Variants in DTX1 observed in about 807,000 individuals in gnomAD.
DTX1 encodes deltex E3 ubiquitin ligase 1.
A neutral mutation model predicts 57.8 loss-of-function variants in DTX1; 26 were observed. The ratio of observed to expected loss-of-function variants is 0.45; its 90% CI spans 0.33 to 0.62. DTX1 has a LOEUF of 0.62. Ranked by LOEUF, DTX1 falls within the 20% of genes least tolerant of loss-of-function variation. The probability of loss-of-function intolerance (pLI) is 0.02; values close to 1 mark genes in which losing one functional copy is unlikely to be tolerated. For synonymous variants in DTX1, 398 were observed against 394.1 expected, an observed-to-expected ratio of 1.01 and a Z score of -0.12; for missense variants, 704 against 895.3, an observed-to-expected ratio of 0.79 and a Z score of 2.73.
intron 2 of DTX1, among the ~76,000 whole-genome samples, chr12:113,070,125 T>C (rs1448140251): frequency 6.6e-6 from 1 of 152,170 alleles, no homozygotes; most frequent in Non-Finnish European, 1.5e-5. Flanking sequence ...TTTTCTCGCC[T>C]CTAAAATGGG....
At chr12:113,064,497 A>T (rs2044690555) in intron 2 of DTX1, among the ~76,000 whole-genome samples, 1 of 152,150 alleles carries the variant, frequency 6.6e-6, no homozygotes, top group Admixed American at 6.5e-5. Context: ...TCCATTTCAG[A>T]TCAGTTTCAG....
At position 113,077,411 on chromosome 12, in the gene DTX1, A is replaced by G; in HGVS notation, c.260-13A>G. 1 of 1,552,330 alleles carries G rather than the reference A, an allele frequency of 6.4e-7. No individual in the cohort carries two copies. The highest frequency in any genetic ancestry group is 1.1e-5 in the South Asian group (1 of 87,896). On this transcript the variant is annotated splice_polypyrimidine_tract_variant and intron_variant, in intron 2 of 9. Coordinates refer to ENST00000548759, the MANE Select transcript of DTX1 (RefSeq NM_004416.3). This position sits in a 1 kb window ranked among gnomAD's most constrained non-coding sequence, Gnocchi z 7.8. ...CCCGCTGTGCTGACGCCTCCTCCCCATTTCGAGTACAGGCACCATGCGGCC... is the reference window on the plus strand; with the variant it reads ...CCCGCTGTGCTGACGCCTCCTCCCCGTTTCGAGTACAGGCACCATGCGGCC...
intron 9 of DTX1, among the ~76,000 whole-genome samples, chr12:113,096,456 A>G (rs1346907768): frequency 2.7e-5 from 4 of 149,776 alleles, no homozygotes; most frequent in Admixed American, 2.0e-4. Context: ...AAAAAAAAAA[A>G]AAAAAAGAAA....
Position 113,097,206 on chromosome 12 carries a change from C to G in DTX1, c.*267C>G. On this transcript the variant is annotated 3_prime_UTR_variant, in exon 10 of 10. Coordinates refer to ENST00000548759, the MANE Select transcript of DTX1 (RefSeq NM_004416.3). The stretch of plus-strand genomic sequence containing the variant: ...AGACAGAGACCCGCCCCCTCACACA[C>G]AAACACACATGTCCTGTTGAACTCA... 1 of 497,392 alleles carries G rather than the reference C, an allele frequency of 2.0e-6. No homozygotes were observed. Among genetic ancestry groups the G allele is most frequent in the East Asian group, 3.5e-5 (1 of 28,276 alleles). 30.8% of individuals were successfully genotyped at this position (497,392 alleles called of 1,614,324 possible).
chr12:113,065,393 G>A (rs73427738), intron 2 of DTX1, among the ~76,000 whole-genome samples: 2 of 152,052 alleles, frequency 1.3e-5, no homozygotes, highest in African/African-American at 4.8e-5. Flanking sequence ...TCCCAGGCTC[G>A]CCCGGGCCAC....
At chr12:113,082,264 ATCC>A in intron 3 of DTX1, among the ~76,000 whole-genome samples, 1 of 151,892 alleles carries the variant, frequency 6.6e-6, no homozygotes, top group Non-Finnish European at 1.5e-5. Context: ...CCTCTAACTG[ATCC>A]TCCCCAGCCA....
intron 9 of DTX1, 44 bp from the exon 10 acceptor site, chr12:113,096,671 G>A (rs1449167505): frequency 6.4e-7 from 1 of 1,556,068 alleles, no homozygotes. Flanking sequence ...GCTGGAAGCT[G>A]CCTGTGACCT....
At chr12:113,071,454 T>C (rs1238488175) in intron 2 of DTX1, among the ~76,000 whole-genome samples, 3 of 152,238 alleles carry the variant, frequency 2.0e-5, no homozygotes, top group African/African-American at 7.2e-5. Context: ...AGCCCATGTT[T>C]GTCACAGGCC....
chr12:113,062,590 G>C (rs755350817), intron 2 of DTX1, among the ~76,000 whole-genome samples: 1 of 152,156 alleles, frequency 6.6e-6, no homozygotes, highest in Non-Finnish European at 1.5e-5. Flanking sequence ...GGGTAAGACC[G>C]TGCTGGTGCC....
chr12:113,058,890 T>C (rs2136421262), intron 2 of DTX1, among the ~76,000 whole-genome samples: 1 of 152,302 alleles, frequency 6.6e-6, no homozygotes, highest in East Asian at 1.9e-4. Flanking sequence ...TGAGTCCCAT[T>C]TTATAGATGA....
intron 2 of DTX1, among the ~76,000 whole-genome samples, chr12:113,071,841 C>T (rs1487504648): frequency 6.6e-6 from 1 of 152,244 alleles, no homozygotes. Context: ...ACAGCAGCTG[C>T]CCTAATTACT....
Position 113,087,917 on chromosome 12 carries a change from C to G in DTX1, c.942-5245C>G, listed in dbSNP as rs371174853. On this transcript the variant is annotated intron_variant, in intron 3 of 9. Coordinates refer to ENST00000548759, the MANE Select transcript of DTX1 (RefSeq NM_004416.3). ...CAGTGTTTCGGGATCCTGGACCCCT[C>G]TAGGGGACAGAGAGAGGTGGCCAAA... 7.9e-5 allele frequency among the ~76,000 whole-genome samples: 12 copies of G among 152,238 alleles called. No homozygotes were observed. The East Asian group carries it at 1.4e-3, about 17-fold the overall frequency.
chr12:113,087,559 G>A (rs904524821), intron 3 of DTX1, among the ~76,000 whole-genome samples: 4 of 152,108 alleles, frequency 2.6e-5, no homozygotes, highest in East Asian at 3.9e-4. Context: ...AAAGGTGACA[G>A]GCTCACACCC....
chr12:113,079,044 AG>A lies in DTX1; in HGVS notation c.941+940del, dbSNP rs564713273. ...AAGGATGGGCACCCAGCTTGTATCA[AG>A]TTTGCAAATTCTTGGGTTAAGGTGT... On this transcript the variant is annotated intron_variant, in intron 3 of 9. Transcript: ENST00000548759. Among the ~76,000 whole-genome samples the A allele has an allele frequency of 6.0e-4, 92 of 152,176 alleles. 2 individuals carry two copies. Among genetic ancestry groups the A allele is most frequent in the African/African-American group, 2.1e-3 (88 of 41,520 alleles).
chr12:113,095,753 T>C (rs1006177864), intron 9 of DTX1: 1 of 300,146 alleles, frequency 3.3e-6, no homozygotes. Context: ...GTTGTCTGAT[T>C]TGACTTTCTG....
At chr12:113,092,707 G>A (rs1950257339) in intron 3 of DTX1, among the ~76,000 whole-genome samples, 1 of 152,222 alleles carries the variant, frequency 6.6e-6, no homozygotes, top group East Asian at 1.9e-4. Context: ...TTCAGAGAGG[G>A]AGACAGTGAC....
rs1250691642 is a variant in DTX1 at position 113,077,235 on chromosome 12, C to T, written c.260-189C>T. 6.6e-6 allele frequency among the ~76,000 whole-genome samples: 1 copy of T among 152,166 alleles called. No homozygotes were observed. Among genetic ancestry groups the T allele is most frequent in the African/African-American group, 2.4e-5 (1 of 41,438 alleles). Reference sequence around the variant, plus strand: ...TGACCCTCCAGCCTGTGCTGAACCTCATGCCTGGGCCTTGACCTCCTTCCT... The same window carrying T: ...TGACCCTCCAGCCTGTGCTGAACCTTATGCCTGGGCCTTGACCTCCTTCCT... On this transcript the variant is annotated intron_variant, in intron 2 of 9. Coordinates refer to ENST00000548759, the MANE Select transcript of DTX1 (RefSeq NM_004416.3). The surrounding 1 kb of genome is among the most constrained non-coding windows in gnomAD (Gnocchi z 7.8).
At position 113,062,936 on chromosome 12, in the gene DTX1, T is replaced by C. The variant is rs373115107; in HGVS notation, c.259+4485T>C. ...AGAGCCCAGAGTCTGGACTGGAAAC[T>C]GGAGCCCCTCCACGGGGAGGCCTAA... On this transcript the variant is annotated intron_variant, in intron 2 of 9. Coordinates refer to ENST00000548759, the MANE Select transcript of DTX1 (RefSeq NM_004416.3). Among the ~76,000 whole-genome samples, 24 of 152,280 alleles carry C rather than the reference T, an allele frequency of 1.6e-4. No homozygotes were observed. In the East Asian group the frequency reaches 4.1e-3, roughly 26 times the overall value.
At chr12:113,064,836 G>C (rs1031460651) in intron 2 of DTX1, among the ~76,000 whole-genome samples, 1 of 152,222 alleles carries the variant, frequency 6.6e-6, no homozygotes, top group Non-Finnish European at 1.5e-5. Context: ...GCAGATGCAC[G>C]GTGCCTTCAG....
Sources: gnomAD v4.1 joint callset for allele counts (sites outside exome capture counted in the v4.1 genomes callset) on GRCh38, gnomAD v4.1.1 for gene constraint, Gnocchi (gnomAD v3.1) non-coding constraint, MANE v1.5 for transcripts, NCBI Gene and HGNC (gene_info 2026-07-23, HGNC 2026-07-21) for gene names.